TLL1: variants seen among roughly 807,000 people sequenced by gnomAD.
TLL1 encodes the protein tolloid like 1, also known as tolloid-like protein 1.
In TLL1, 49 loss-of-function variants were observed where a neutral mutation model predicts 128.2. That is an observed-to-expected ratio of 0.38 (90% CI 0.30 to 0.48). The LOEUF is 0.48. Ranked by LOEUF, TLL1 falls within the 20% of genes least tolerant of loss-of-function variation. TLL1 has a pLI of 0.96. For missense variants in TLL1, 1,123 were observed against 1,242.0 expected (o/e 0.90, Z 1.44); for synonymous variants, 454 against 418.8 (o/e 1.08, Z -1.03).
intron 9 of TLL1, among the ~76,000 whole-genome samples, chr4:166,025,899 G>A (rs1738471662): frequency 6.6e-6 from 1 of 152,094 alleles, no homozygotes; most frequent in Admixed American, 6.6e-5. Flanking sequence ...AAATACTACA[G>A]TAGGAAATAT....
rs960777295 is a variant in TLL1, at chr4:166,100,938, T to A, written c.*62T>A. ...TAATGGAGAGAAGACATATTTTTTT[T>A]AAAACTGAAGATATTGGCACAAATG... On this transcript the variant is annotated 3_prime_UTR_variant, in exon 21 of 21. Transcript: ENST00000061240. The A allele has an allele frequency of 1.5e-4, 231 of 1,580,672 alleles. No homozygotes were observed. The highest frequency in any genetic ancestry group is 1.7e-4 in the Non-Finnish European group (193 of 1,158,700).
chr4:166,099,510 C>A lies in TLL1; in HGVS notation c.2890C>A (p.Arg964=). ...TGATTCAACAGCTGTGGGGCTTGGT[C>A]GATTCTGTGGATCCGGGGTAAATAT... is the stretch of plus-strand genomic sequence containing the variant. ...GLDSTAVGLG[R]FCGSGPPEEI... Residue 964 remains arginine (R), a synonymous_variant, in exon 20 of 21, where the codon CGA becomes AGA. Coordinates refer to ENST00000061240, the MANE Select transcript of TLL1 (RefSeq NM_012464.5). The A allele has an allele frequency of 6.2e-7, 1 of 1,612,756 alleles. No homozygotes were observed. Among genetic ancestry groups the A allele is most frequent in the South Asian group, 1.1e-5 (1 of 91,032 alleles).
chr4:165,953,777 G>T (rs1033120888), intron 1 of TLL1, among the ~76,000 whole-genome samples: 1 of 151,826 alleles, frequency 6.6e-6, no homozygotes, highest in African/African-American at 2.4e-5. Context: ...CTTTTTAAGG[G>T]AGAAGGGGTT....
intron 1 of TLL1, among the ~76,000 whole-genome samples, chr4:165,905,606 C>A (rs761583222): frequency 6.6e-6 from 1 of 152,142 alleles, no homozygotes; most frequent in Non-Finnish European, 1.5e-5. Context: ...ATCTTCTCCT[C>A]CTGTTGTCTT....
intron 1 of TLL1, among the ~76,000 whole-genome samples, chr4:165,937,795 C>A (rs1733828829): frequency 6.6e-6 from 1 of 151,596 alleles, no homozygotes; most frequent in South Asian, 2.1e-4. Context: ...AAATCTTTGA[C>A]TCACATTTTT....
chr4:165,968,272 C>G (rs1358129321), intron 1 of TLL1, among the ~76,000 whole-genome samples: 1 of 152,118 alleles, frequency 6.6e-6, no homozygotes, highest in African/African-American at 2.4e-5. Flanking sequence ...GTTGTTTTGA[C>G]TATTTTTGAA....
At chr4:165,957,784 C>T (rs1026735143) in intron 1 of TLL1, among the ~76,000 whole-genome samples, 4 of 150,222 alleles carry the variant, frequency 2.7e-5, no homozygotes, top group African/African-American at 9.8e-5. Flanking sequence ...CATACGTATA[C>T]ATGTGCCATG....
intron 8 of TLL1, among the ~76,000 whole-genome samples, chr4:166,016,750 C>A (rs1579627885): frequency 6.6e-6 from 1 of 151,470 alleles, no homozygotes; most frequent in Non-Finnish European, 1.5e-5. Context: ...TGTATTACAG[C>A]TAATAAAGTA....
chr4:165,978,111 G>A (rs1735972916), intron 1 of TLL1, among the ~76,000 whole-genome samples: 1 of 152,066 alleles, frequency 6.6e-6, no homozygotes, highest in South Asian at 2.1e-4. Context: ...ATATTTAGAA[G>A]CCTTATTGCT....
chr4:165,986,570 T>C (rs1186165034), intron 1 of TLL1, among the ~76,000 whole-genome samples: 1 of 152,094 alleles, frequency 6.6e-6, no homozygotes, highest in African/African-American at 2.4e-5. Flanking sequence ...AAGCAATTTA[T>C]GGTGTATTCA....
intron 1 of TLL1, among the ~76,000 whole-genome samples, chr4:165,934,218 T>G (rs898387727): frequency 6.7e-6 from 1 of 149,782 alleles, no homozygotes; most frequent in African/African-American, 2.5e-5. Context: ...TTTCACCATG[T>G]TGGCCAGGTT....
chr4:165,955,196 T>A (rs1734723460), intron 1 of TLL1, among the ~76,000 whole-genome samples: 1 of 151,738 alleles, frequency 6.6e-6, no homozygotes, highest in African/African-American at 2.4e-5. Flanking sequence ...AGACCAGTCC[T>A]TCAAATCAAC....
chr4:166,066,562 G>A (rs558602205), intron 16 of TLL1, among the ~76,000 whole-genome samples: 10 of 151,916 alleles, frequency 6.6e-5, no homozygotes, highest in African/African-American at 2.2e-4. Context: ...CAACTAGCAA[G>A]CAATTTAGAG....
At chr4:165,919,065 G>A (rs910377980) in intron 1 of TLL1, among the ~76,000 whole-genome samples, 1 of 152,014 alleles carries the variant, frequency 6.6e-6, no homozygotes, top group African/African-American at 2.4e-5. Context: ...TTAGTTTCAG[G>A]CATATATTAG....
At chr4:166,099,149 A>G (rs1432802405) in intron 19 of TLL1, 128 bp from the exon 20 acceptor site, 50 of 1,445,368 alleles carry the variant, frequency 3.5e-5, no homozygotes, top group Non-Finnish European at 4.4e-5. Context: ...TGTGGAAAAC[A>G]TATCTGACGC....
chr4:166,098,917 T>C (rs576932082), intron 19 of TLL1, among the ~76,000 whole-genome samples: 1 of 152,280 alleles, frequency 6.6e-6, no homozygotes, highest in East Asian at 1.9e-4. Flanking sequence ...ATTGAGTTAC[T>C]AAGTGGTAGA....
At chr4:165,956,820 A>G (rs539673052) in intron 1 of TLL1, among the ~76,000 whole-genome samples, 13 of 152,190 alleles carry the variant, frequency 8.5e-5, no homozygotes, top group Admixed American at 6.5e-4. Context: ...TGAAATCTTC[A>G]CAATTTATGT....
chr4:166,022,716 A>C lies in TLL1; in HGVS notation c.1043-2600A>C, dbSNP rs554631190. 3.3e-5 allele frequency among the ~76,000 whole-genome samples: 5 copies of C among 152,328 alleles called. No individual in the cohort carries two copies. In the South Asian group the frequency reaches 1.0e-3, roughly 32 times the overall value. On this transcript the variant is annotated intron_variant, in intron 8 of 20. Transcript: ENST00000061240. ...AAAAGAATGAGAGTTTATTATAATA[A>C]TTCCTCAACAATGCACAATCTAAGT...
chr4:166,043,881 G>A (rs1240798634), intron 12 of TLL1, among the ~76,000 whole-genome samples: 2 of 150,852 alleles, frequency 1.3e-5, no homozygotes, highest in Non-Finnish European at 2.9e-5. Context: ...GTGTTCTTAC[G>A]AGCTTTCAAC....
Sources: allele counts gnomAD v4.1 joint callset (sites outside exome capture counted in the v4.1 genomes callset), GRCh38; gene constraint gnomAD v4.1.1; transcripts MANE v1.5; gene names NCBI Gene and HGNC (gene_info 2026-07-23, HGNC 2026-07-21).